The following NAV2 variants were observed in gnomAD, a reference collection of about 807,000 sequenced individuals.
NAV2 encodes helicase, APC down-regulated 1.
In NAV2, 54 loss-of-function variants were observed where a neutral mutation model predicts 223.2. That is an observed-to-expected ratio of 0.24 (90% CI 0.19 to 0.30). The LOEUF (loss-of-function observed/expected upper bound fraction) is 0.30, where lower values mean the gene tolerates loss of function less well. NAV2 is among the 10% of genes least tolerant of loss of function. NAV2 has a pLI of 1.00. For synonymous variants in NAV2, 1,279 were observed against 1,239.3 expected (o/e 1.03, Z -0.67); for missense variants, 2,806 against 3,147.5 (o/e 0.89, Z 2.60).
At chr11:19,602,696 C>T (rs2046379677) in intron 1 of NAV2, among the ~76,000 whole-genome samples, 2 of 152,142 alleles carry the variant, frequency 1.3e-5, no homozygotes, top group African/African-American at 2.4e-5. Context: ...CCAGGCGTCT[C>T]GTGGCTGTGA....
At chr11:19,542,289 T>C (rs2134544011) in intron 1 of NAV2, among the ~76,000 whole-genome samples, 1 of 152,380 alleles carries the variant, frequency 6.6e-6, no homozygotes, top group East Asian at 1.9e-4. Context: ...GCATCTTCCA[T>C]GCCTATCTTA....
intron 4 of NAV2, among the ~76,000 whole-genome samples, chr11:19,870,178 C>T (rs2046800033): frequency 6.6e-6 from 1 of 152,158 alleles, no homozygotes; most frequent in Admixed American, 6.5e-5. Flanking sequence ...CAGAAGATTC[C>T]CCAGCCCTGG....
chr11:19,676,778 C>T (rs1002718169), intron 1 of NAV2, among the ~76,000 whole-genome samples: 2 of 152,208 alleles, frequency 1.3e-5, no homozygotes, highest in Non-Finnish European at 2.9e-5. Flanking sequence ...GCTGTGGTTT[C>T]CCACTGGCGA....
intron 30 of NAV2, among the ~76,000 whole-genome samples, chr11:20,095,977 C>T (rs760218887): frequency 6.6e-6 from 1 of 152,180 alleles, no homozygotes; most frequent in Admixed American, 6.5e-5. Context: ...AAATTCTTGC[C>T]GTCTGCCCTT....
intron 6 of NAV2, among the ~76,000 whole-genome samples, chr11:19,898,830 G>T (rs969901056): frequency 6.6e-6 from 1 of 151,878 alleles, no homozygotes; most frequent in Admixed American, 6.6e-5. Context: ...CACTGTCTTC[G>T]GCAAAAAATA....
intron 10 of NAV2, among the ~76,000 whole-genome samples, chr11:19,974,232 T>G (rs562296525): frequency 6.6e-6 from 1 of 152,320 alleles, no homozygotes; most frequent in Non-Finnish European, 1.5e-5. Flanking sequence ...TCTCACAGTT[T>G]TGGCCTGACT....
intron 1 of NAV2, among the ~76,000 whole-genome samples, chr11:19,801,005 T>C (rs1387294286): frequency 6.6e-6 from 1 of 152,202 alleles, no homozygotes; most frequent in African/African-American, 2.4e-5. Flanking sequence ...GACTGAACAT[T>C]TCAGAAGCAA....
chr11:19,966,673 A>G (rs1028683517), intron 10 of NAV2, among the ~76,000 whole-genome samples: 10 of 152,028 alleles, frequency 6.6e-5, no homozygotes, highest in African/African-American at 1.7e-4. Context: ...ACCTGCCACA[A>G]TCCTTCAAGA....
chr11:19,464,288 C>T (rs143254790), intron 1 of NAV2, among the ~76,000 whole-genome samples: 17 of 152,288 alleles, frequency 1.1e-4, no homozygotes, highest in African/African-American at 4.1e-4. Context: ...TTGTGAGGGG[C>T]TGGGGCCCGG....
At chr11:20,023,762 G>A (rs2054768080) in intron 11 of NAV2, among the ~76,000 whole-genome samples, 1 of 151,542 alleles carries the variant, frequency 6.6e-6, no homozygotes, top group East Asian at 1.9e-4. Flanking sequence ...GAGATGGCAT[G>A]GGAGGTTTAA....
intron 10 of NAV2, among the ~76,000 whole-genome samples, chr11:19,975,381 T>C (rs1030138715): frequency 6.6e-6 from 1 of 152,256 alleles, no homozygotes; most frequent in African/African-American, 2.4e-5. Flanking sequence ...CCTTGGCTCT[T>C]TGTGCATCGG....
intron 20 of NAV2, among the ~76,000 whole-genome samples, chr11:20,065,627 G>C (rs893075931): frequency 2.0e-4 from 30 of 152,190 alleles, no homozygotes; most frequent in Admixed American, 2.0e-3. Context: ...AGGGGGGCAA[G>C]ATACAAAGCA....
chr11:20,045,810 G>C, intron 14 of NAV2, 140 bp downstream of exon 14: 1 of 690,638 alleles, frequency 1.4e-6, no homozygotes, highest in Non-Finnish European at 2.4e-6. Flanking sequence ...GATCAGGCCG[G>C]CAGTTTTGCA....
intron 1 of NAV2, among the ~76,000 whole-genome samples, chr11:19,751,178 C>G (rs544549096): frequency 1.3e-5 from 2 of 152,340 alleles, no homozygotes; most frequent in African/African-American, 4.8e-5. Flanking sequence ...CAGCGCACCA[C>G]TTAGCTTACA....
chr11:19,773,644 A>T (rs1180041512), intron 1 of NAV2, among the ~76,000 whole-genome samples: 2 of 152,140 alleles, frequency 1.3e-5, no homozygotes. Context: ...AGGTGGTAGG[A>T]GGGGTTTGGT....
chr11:20,027,176 A>G, intron 11 of NAV2: 1 of 755,998 alleles, frequency 1.3e-6, no homozygotes, highest in South Asian at 6.0e-5. Flanking sequence ...CTGGGGAGGA[A>G]ATAGTTAACA....
chr11:19,441,452 A>T (rs529670108), intron 1 of NAV2, among the ~76,000 whole-genome samples: 1 of 150,550 alleles, frequency 6.6e-6, no homozygotes, highest in African/African-American at 2.5e-5. Flanking sequence ...ACACACGCAC[A>T]CACACACACA....
intron 1 of NAV2, among the ~76,000 whole-genome samples, chr11:19,757,266 G>T (rs1337919983): frequency 6.6e-6 from 1 of 152,122 alleles, no homozygotes. Flanking sequence ...TCCTATAAGG[G>T]AGCGGGCTTG....
At chr11:19,460,610 G>A (rs1042233704) in intron 1 of NAV2, among the ~76,000 whole-genome samples, 2 of 142,510 alleles carry the variant, frequency 1.4e-5, no homozygotes, top group Non-Finnish European at 3.0e-5. Flanking sequence ...GAGAACACTT[G>A]GACACAGGGT....
Sources: gnomAD v4.1 joint callset for allele counts (sites outside exome capture counted in the v4.1 genomes callset) on GRCh38, gnomAD v4.1.1 for gene constraint, MANE v1.5 for transcripts, NCBI Gene and HGNC (gene_info 2026-07-23, HGNC 2026-07-21) for gene names.